The following SEC14L5 variants were observed in gnomAD, a reference collection of about 807,000 sequenced individuals.
SEC14L5 encodes the protein SEC14-like protein 5.
Under a neutral mutation model 84.6 loss-of-function variants are expected in SEC14L5, and 96 were observed. The ratio of observed to expected loss-of-function variants is 1.13; its 90% CI spans 0.96 to 1.34. The LOEUF is 1.34. SEC14L5 is among the 40% of genes most tolerant of loss of function. The probability of loss-of-function intolerance (pLI) is 0.00; values close to 1 mark genes in which losing one functional copy is unlikely to be tolerated. For synonymous variants in SEC14L5, 546 were observed against 383.4 expected, an observed-to-expected ratio of 1.42 and a Z score of -4.95; for missense variants, 1,224 against 942.5, an observed-to-expected ratio of 1.30 and a Z score of -3.91.
intron 2 of SEC14L5, among the ~76,000 whole-genome samples, chr16:4,966,348 A>C (rs1955200687): frequency 7.3e-6 from 1 of 136,958 alleles, no homozygotes; most frequent in African/African-American, 2.8e-5. Context: ...GTCTCGGCTC[A>C]CTGCAACATT....
At chr16:5,002,949 C>T (rs1200327431) in intron 10 of SEC14L5, among the ~76,000 whole-genome samples, 1 of 152,178 alleles carries the variant, frequency 6.6e-6, no homozygotes, top group African/African-American at 2.4e-5. Context: ...TTGGTGATGA[C>T]CTTGAGCAGT....
intron 2 of SEC14L5, among the ~76,000 whole-genome samples, chr16:4,977,673 C>G (rs1322110917): frequency 6.6e-6 from 1 of 151,996 alleles, no homozygotes; most frequent in Admixed American, 6.6e-5. Context: ...CCTGTGAAGG[C>G]CTCACAACCA....
In SEC14L5 at chr16:5,008,478, C is replaced by A. The variant is rs775791471; in HGVS notation, c.1630C>A (p.Arg544=). ...SVITWDFDIL[R]GDVVFSLYHT... is the part of the protein sequence containing the mutation. ...CATCACCTGGGACTTTGACATCCTG[C>A]GAGGGGACGTGGTGTTCAGCCTGTA... is the stretch of plus-strand genomic sequence containing the variant. The change falls in exon 14 of 16, where the codon CGA becomes AGA. Residue 544 remains arginine (R), a synonymous_variant. Transcript: ENST00000251170. The A allele has an allele frequency of 6.2e-7, 1 of 1,613,482 alleles. No homozygotes were observed. Among genetic ancestry groups the A allele is most frequent in the Non-Finnish European group, 8.5e-7 (1 of 1,179,744 alleles).
intron 14 of SEC14L5, among the ~76,000 whole-genome samples, chr16:5,009,907 G>A (rs1370562177): frequency 3.3e-5 from 5 of 152,102 alleles, no homozygotes; most frequent in Admixed American, 3.3e-4. Context: ...GCCGCAGGGA[G>A]AAGGCAGGTG....
At chr16:4,960,636 C>T (rs1323408876) in intron 2 of SEC14L5, 1 of 152,202 alleles carries the variant, frequency 6.6e-6, no homozygotes, top group Non-Finnish European at 1.5e-5. Context: ...TATTCTAGCT[C>T]CCCAATTGAC....
At chr16:4,974,470 C>T (rs896626033) in intron 2 of SEC14L5, among the ~76,000 whole-genome samples, 1 of 152,138 alleles carries the variant, frequency 6.6e-6, no homozygotes, top group African/African-American at 2.4e-5. Context: ...TCCCAAAGTG[C>T]TGGGATTACA....
chr16:5,004,923 A>T (rs886755928), intron 11 of SEC14L5, among the ~76,000 whole-genome samples: 2 of 152,222 alleles, frequency 1.3e-5, no homozygotes, highest in African/African-American at 4.8e-5. Context: ...GGAAGCACTG[A>T]TCCTCCAACA....
chr16:5,013,473 A>C (rs1464158989), intron 15 of SEC14L5, among the ~76,000 whole-genome samples: 1 of 150,516 alleles, frequency 6.6e-6, no homozygotes, highest in East Asian at 2.0e-4. Context: ...TGTAGCCTTG[A>C]ACTCCCGGGC....
chr16:5,005,988 A>T lies in SEC14L5; in HGVS notation c.1377A>T (p.Gly459=), dbSNP rs1955727503. 1 of 1,613,384 alleles carries T rather than the reference A, an allele frequency of 6.2e-7. No individual in the cohort carries two copies. The highest frequency in any genetic ancestry group is 1.1e-5 in the South Asian group (1 of 91,040). The part of the protein sequence containing the change: ...IYSGSNYQGP[G]GLVDYLDREV... Reference sequence around the variant, plus strand: ...GTGGCAGCAACTACCAGGGACCCGGAGGCCTTGTGGACTATCTGGATAGAG... The same window carrying T: ...GTGGCAGCAACTACCAGGGACCCGGTGGCCTTGTGGACTATCTGGATAGAG... The change falls in exon 12 of 16, where the codon GGA becomes GGT. Residue 459 remains glycine, a synonymous_variant. Transcript: ENST00000251170.
At chr16:4,979,507 G>T (rs905469015) in intron 2 of SEC14L5, among the ~76,000 whole-genome samples, 1 of 152,212 alleles carries the variant, frequency 6.6e-6, no homozygotes, top group Non-Finnish European at 1.5e-5. Context: ...TTACTGCAAT[G>T]ATGGTTAGGC....
intron 11 of SEC14L5, among the ~76,000 whole-genome samples, chr16:5,004,927 T>G (rs567041036): frequency 6.6e-6 from 1 of 152,260 alleles, no homozygotes; most frequent in African/African-American, 2.4e-5. Context: ...GCACTGATCC[T>G]CCAACACGGA....
intron 10 of SEC14L5, among the ~76,000 whole-genome samples, chr16:5,002,688 C>T (rs1955690129): frequency 6.6e-6 from 1 of 152,010 alleles, no homozygotes; most frequent in Non-Finnish European, 1.5e-5. Context: ...GTGGAGGCTC[C>T]CGGGCACCAG....
rs756358346 is a variant in SEC14L5 at position 4,990,881 on chromosome 16, G to C, written c.460G>C (p.Ala154Pro). The change falls in exon 5 of 16, where the codon GCC becomes CCC. Residue 154 changes from alanine to proline, a missense_variant. By Grantham distance (27) the Ala-to-Pro change is conservative. Coordinates refer to ENST00000251170, the MANE Select transcript of SEC14L5 (RefSeq NM_014692.2). ...GAAGATCGCCATGAAGCAGTACACC[G>C]CCAACGTCAAGAGGGTAAGCGGTGG... ...LEKIAMKQYT[A>P]NVKRGKEVIE... 9.4e-6 allele frequency: 15 copies of C among 1,600,882 alleles called. No homozygotes were observed. Among genetic ancestry groups the C allele is most frequent in the Non-Finnish European group, 1.3e-5 (15 of 1,173,488 alleles).
In SEC14L5 at chr16:4,959,260, C is replaced by G. The variant is rs1244039348; in HGVS notation, c.-51-13C>G. On this transcript the variant is annotated splice_polypyrimidine_tract_variant and intron_variant, in intron 1 of 15. Coordinates refer to ENST00000251170, the MANE Select transcript of SEC14L5 (RefSeq NM_014692.2). ...GTGGGAGCTGCAACCTCACCAGTCA[C>G]TCCTCGCCCCAGGCTCTGTGCACAC... 1 of 1,330,132 alleles carries G rather than the reference C, an allele frequency of 7.5e-7. No homozygotes were observed. The highest frequency in any genetic ancestry group is 1.7e-5 in the Admixed American group (1 of 59,244). 82.4% of individuals were successfully genotyped at this position (1,330,132 alleles called of 1,614,324 possible). A position where few individuals can be genotyped will look rare whatever the true frequency, so the allele number is the denominator to read the frequency against.
At chr16:5,008,766 A>G in intron 14 of SEC14L5, 118 bp downstream of exon 14, 1 of 851,898 alleles carries the variant, frequency 1.2e-6, no homozygotes, top group Non-Finnish European at 1.9e-6. Flanking sequence ...AGCCTCAGGG[A>G]CCCTGCAGGA....
intron 2 of SEC14L5, among the ~76,000 whole-genome samples, chr16:4,963,196 C>T (rs1046055616): frequency 6.6e-6 from 1 of 152,182 alleles, no homozygotes; most frequent in African/African-American, 2.4e-5. Context: ...TTGAGGTAAC[C>T]TTTCTAGACC....
At position 5,007,369 on chromosome 16, in the gene SEC14L5, A is replaced by AGGGCTGGTCCCCGAAGGG; in HGVS notation, c.1467_1468insGAAGGGGGGCTGGTCCCC (p.Glu484_Pro489dup). ...ACCTGCAGTGTAATGTCCCCGAAGG[A>AGGGCTGGTCCCCGAAGGG]GGGCTGGTCCCCAAGTCCCTCTACA... is the stretch of plus-strand genomic sequence containing the variant. On this transcript the variant is annotated inframe_insertion, in exon 13 of 16. Coordinates refer to ENST00000251170, the MANE Select transcript of SEC14L5 (RefSeq NM_014692.2). The AGGGCTGGTCCCCGAAGGG allele has an allele frequency of 6.2e-7, 1 of 1,613,818 alleles. No individual in the cohort carries two copies.
intron 15 of SEC14L5, among the ~76,000 whole-genome samples, chr16:5,012,874 G>A (rs1328517797): frequency 2.0e-5 from 3 of 149,528 alleles, no homozygotes; most frequent in South Asian, 4.3e-4. Context: ...CAGCCTTGGC[G>A]ACAGAGCGAG....
In SEC14L5 at chr16:5,017,369, A is replaced by G. The variant is rs186212389; in HGVS notation, c.*2399A>G. On this transcript the variant is annotated 3_prime_UTR_variant, in exon 16 of 16. Coordinates refer to ENST00000251170, the MANE Select transcript of SEC14L5 (RefSeq NM_014692.2). ...TGGCTGAAGGTGGGTGCTGCTTCAG[A>G]TATGGCTGGATCCAGGAGCTTAATG... is the stretch of plus-strand genomic sequence containing the variant. The G allele has an allele frequency of 1.3e-5, 2 of 152,430 alleles. No homozygotes were observed. Among genetic ancestry groups the G allele is most frequent in the East Asian group, 3.9e-4 (2 of 5,180 alleles). The allele number at this position is 152,430 out of a possible 1,614,324, so 9.4% of individuals were successfully genotyped here. A position where few individuals can be genotyped will look rare whatever the true frequency, so the allele number is the denominator to read the frequency against.
Sources: gnomAD v4.1 joint callset for allele counts (sites outside exome capture counted in the v4.1 genomes callset) on GRCh38, gnomAD v4.1.1 for gene constraint, MANE v1.5 for transcripts, NCBI Gene and HGNC (gene_info 2026-07-23, HGNC 2026-07-21) for gene names.